The following CRH variants were observed in gnomAD, a reference collection of about 807,000 sequenced individuals.
The protein encoded by CRH is corticotropin releasing hormone.
Under a neutral mutation model 11.1 loss-of-function variants are expected in CRH, and 6 were observed. The observed-to-expected ratio is 0.54, with a 90% CI of 0.30 to 1.07. CRH has a LOEUF of 1.07. Among genes scored for constraint, CRH ranks in the 50% least tolerant of loss-of-function variants. The pLI is 0.07. For missense variants in CRH, 289 were observed against 269.4 expected (o/e 1.07, Z -0.51); for synonymous variants, 155 against 132.0 (o/e 1.17, Z -1.19).
At position 66,176,766 on chromosome 8, in the gene CRH, A is replaced by G. The variant is rs1313067613; in HGVS notation, c.*121T>C. On this transcript the variant is annotated 3_prime_UTR_variant, in exon 2 of 2. Coordinates refer to ENST00000276571, the MANE Select transcript of CRH (RefSeq NM_000756.4). Reference sequence around the variant, plus strand: ...ATAGGCTCTCTCCCTCTCTCCCTCTATGTTTCAAGCTATATAAAAATAAAC... The same window carrying G: ...ATAGGCTCTCTCCCTCTCTCCCTCTGTGTTTCAAGCTATATAAAAATAAAC... The G allele has an allele frequency of 3.9e-6, 5 of 1,269,488 alleles. No homozygotes were observed. In the East Asian group the frequency reaches 1.1e-4, roughly 28 times the overall value. The allele number at this position is 1,269,488 out of a possible 1,614,324, so 78.6% of individuals were successfully genotyped here. A position where few individuals can be genotyped will look rare whatever the true frequency, so the allele number is the denominator to read the frequency against.
Position 66,177,050 on chromosome 8 carries a change from CCGCCGAGGGCATTCCTAG to C in CRH, c.410_427del (p.Ala137_Gly142del), listed in dbSNP as rs780141538. On this transcript the variant is annotated inframe_deletion, in exon 2 of 2. Transcript: ENST00000276571. ...TTCTCTCTCCGGTGCCTCCTGGTGGCCGCCGAGGGCATTCCTAGCGCCGCGCTCCGCGAGAGCCGCGGG... is the reference window on the plus strand; with the variant it reads ...TTCTCTCTCCGGTGCCTCCTGGTGGCCGCCGCGCTCCGCGAGAGCCGCGGG... 1.9e-6 allele frequency: 3 copies of C among 1,611,948 alleles called. No homozygotes were observed. The highest frequency in any genetic ancestry group is 2.5e-6 in the Non-Finnish European group (3 of 1,178,932).
Position 66,176,572 on chromosome 8 carries a change from A to C in CRH, c.*315T>G. The C allele has an allele frequency of 5.5e-6, 1 of 182,558 alleles. No homozygotes were observed. The highest frequency in any genetic ancestry group is 6.1e-5 in the Admixed American group (1 of 16,354). 11.3% of individuals were successfully genotyped at this position (182,558 alleles called of 1,614,324 possible). On this transcript the variant is annotated 3_prime_UTR_variant, in exon 2 of 2. Transcript: ENST00000276571. Reference sequence around the variant, plus strand: ...TTTGGCTCAGACCACAACAAAAACAATTGAGTGACTTCTGTCTGCTTTTTC... The same window carrying C: ...TTTGGCTCAGACCACAACAAAAACACTTGAGTGACTTCTGTCTGCTTTTTC...
chr8:66,176,504 G>A lies in CRH; in HGVS notation c.*383C>T, dbSNP rs563866466. On this transcript the variant is annotated 3_prime_UTR_variant, in exon 2 of 2. Transcript: ENST00000276571. ...TTACAAGAGAAAGTTGTTTCAAAGAGCTTACAGATTTAGTCTTACCCACCC... is the reference window on the plus strand; with the variant it reads ...TTACAAGAGAAAGTTGTTTCAAAGAACTTACAGATTTAGTCTTACCCACCC... 6.4e-6 allele frequency: 1 copy of A among 155,988 alleles called. No homozygotes were observed. The highest frequency in any genetic ancestry group is 1.9e-4 in the East Asian group (1 of 5,330). 9.7% of individuals were successfully genotyped at this position (155,988 alleles called of 1,614,324 possible). A position where few individuals can be genotyped will look rare whatever the true frequency, so the allele number is the denominator to read the frequency against.
rs773313078 is a variant in CRH, at chr8:66,176,883, C to A, written c.*4G>T. 6.4e-7 allele frequency: 1 copy of A among 1,574,130 alleles called. No individual in the cohort carries two copies. The highest frequency in any genetic ancestry group is 8.6e-7 in the Non-Finnish European group (1 of 1,159,716). ...GCAGATTCTTTTTGGCCAAACGCACCGTTTTATTTCCCAATAATCTCCATG... is the reference window on the plus strand; with the variant it reads ...GCAGATTCTTTTTGGCCAAACGCACAGTTTTATTTCCCAATAATCTCCATG... On this transcript the variant is annotated 3_prime_UTR_variant, in exon 2 of 2. Coordinates refer to ENST00000276571, the MANE Select transcript of CRH (RefSeq NM_000756.4).
Position 66,177,872 on chromosome 8 carries a change from T to G in CRH, c.-14-381A>C, listed in dbSNP as rs949725199. Among the ~76,000 whole-genome samples the G allele has an allele frequency of 3.9e-5, 6 of 152,020 alleles. No homozygotes were observed. In the East Asian group the frequency reaches 9.7e-4, roughly 25 times the overall value. ...GCGCTGACTACCTCCCTTCCGGATA[T>G]TTCAGCATTTTCTTCCAAATTGAGA... On this transcript the variant is annotated intron_variant, in intron 1 of 1. Coordinates refer to ENST00000276571, the MANE Select transcript of CRH (RefSeq NM_000756.4).
rs1811919130 is a variant in CRH at position 66,177,312 on chromosome 8, G to A, written c.166C>T (p.Pro56Ser). The A allele has an allele frequency of 6.4e-7, 1 of 1,556,852 alleles. No homozygotes were observed. The highest frequency in any genetic ancestry group is 8.7e-7 in the Non-Finnish European group (1 of 1,155,812). Residue 56 changes from proline to serine, a missense_variant, in exon 2 of 2, where the codon CCC becomes TCC. Pro to Ser is a moderately conservative substitution (Grantham distance 74). Coordinates refer to ENST00000276571, the MANE Select transcript of CRH (RefSeq NM_000756.4). Reference sequence around the variant, plus strand: ...ACCGGCCGAGCCTGCGGCTGCTGGGGCTGCTCGGACTGCGGCGGCGGCTGG... The same window carrying A: ...ACCGGCCGAGCCTGCGGCTGCTGGGACTGCTCGGACTGCGGCGGCGGCTGG... Reference protein sequence around the residue: ...FFQPPPQSEQPQQPQARPVLL... With the variant: ...FFQPPPQSEQSQQPQARPVLL...
chr8:66,178,030 A>G (rs749567362), intron 1 of CRH, among the ~76,000 whole-genome samples: 9 of 152,200 alleles, frequency 5.9e-5, no homozygotes, highest in Non-Finnish European at 1.2e-4. Flanking sequence ...AACGAAGAGC[A>G]GCCGTCTAAG....
At position 66,177,575 on chromosome 8, in the gene CRH, G is replaced by A. The variant is rs1253029936; in HGVS notation, c.-14-84C>T. On this transcript the variant is annotated intron_variant, in intron 1 of 1. Transcript: ENST00000276571. Reference sequence around the variant, plus strand: ...TTGGTTAGAGTTCGCTCAGCTGGGAGGTGCACACGGGGTCTTCCTACGGGA... The same window carrying A: ...TTGGTTAGAGTTCGCTCAGCTGGGAAGTGCACACGGGGTCTTCCTACGGGA... The A allele has an allele frequency of 2.8e-6, 4 of 1,450,454 alleles. No homozygotes were observed. The African/African-American group carries it at 4.3e-5, about 16-fold the overall frequency. 89.8% of individuals were successfully genotyped at this position (1,450,454 alleles called of 1,614,324 possible).
chr8:66,177,336 G>T lies in CRH; in HGVS notation c.142C>A (p.Gln48Lys). 1 of 1,553,646 alleles carries T rather than the reference G, an allele frequency of 6.4e-7. No individual in the cohort carries two copies. Among genetic ancestry groups the T allele is most frequent in the South Asian group, 1.2e-5 (1 of 84,964 alleles). Residue 48 changes from glutamine (Q) to lysine (K), a missense_variant, in exon 2 of 2, where the codon CAG becomes AAG. Transcript: ENST00000276571. ...PQHPQPLDFF[Q>K]PPPQSEQPQQ... ...GGCTGCTCGGACTGCGGCGGCGGCT[G>T]GAAGAAATCCAAGGGCTGAGGGTGC...
At position 66,176,569 on chromosome 8, in the gene CRH, A is replaced by T. The variant is rs1330922023; in HGVS notation, c.*318T>A. On this transcript the variant is annotated 3_prime_UTR_variant, in exon 2 of 2. Coordinates refer to ENST00000276571, the MANE Select transcript of CRH (RefSeq NM_000756.4). ...CTCTTTGGCTCAGACCACAACAAAAACAATTGAGTGACTTCTGTCTGCTTT... is the reference window on the plus strand; with the variant it reads ...CTCTTTGGCTCAGACCACAACAAAATCAATTGAGTGACTTCTGTCTGCTTT... The T allele has an allele frequency of 1.1e-5, 2 of 177,908 alleles. No individual in the cohort carries two copies. Among genetic ancestry groups the T allele is most frequent in the Non-Finnish European group, 1.2e-5 (1 of 85,930 alleles). The allele number at this position is 177,908 out of a possible 1,614,324, so 11.0% of individuals were successfully genotyped here.
At position 66,177,190 on chromosome 8, in the gene CRH, T is replaced by G. The variant is rs6159; in HGVS notation, c.288A>C (p.Gly96=). Residue 96 remains glycine (G), a synonymous_variant, in exon 2 of 2, where the codon GGA becomes GGC. Transcript: ENST00000276571. ...CCGGCGAAGGGCGGCTGCCGCTGCC[T>G]CCGGCGAGGAGCGAGGAGGCGGGCG... ...PLSPASSLLA[G]GSGSRPSPEQ... is the part of the protein sequence containing the mutation. 0.19 allele frequency: 299,921 copies of G among 1,540,854 alleles called. 41,322 individuals carry two copies. Among genetic ancestry groups the G allele is most frequent in the African/African-American group, 0.7 (50,759 of 72,878 alleles).
At position 66,176,934 on chromosome 8, in the gene CRH, G is replaced by C. The variant is rs1470211585; in HGVS notation, c.544C>G (p.Gln182Glu). ...LEMARAEQLA[Q>E]QAHSNRKLME... is the part of the protein sequence containing the mutation. ...AGTTTCCTGTTGCTGTGAGCTTGCT[G>C]TGCTAACTGCTCGGCCCTGGCCATT... Residue 182 changes from glutamine (Q) to glutamate (E), a missense_variant, in exon 2 of 2, where the codon CAG becomes GAG. Gln to Glu is a conservative substitution (Grantham distance 29). Coordinates refer to ENST00000276571, the MANE Select transcript of CRH (RefSeq NM_000756.4). The C allele has an allele frequency of 1.2e-6, 2 of 1,613,484 alleles. No homozygotes were observed. Among genetic ancestry groups the C allele is most frequent in the African/African-American group, 1.3e-5 (1 of 74,860 alleles).
In CRH at chr8:66,177,637, CG is replaced by C. The variant is rs373868156; in HGVS notation, c.-14-147del. 5.4e-5 allele frequency: 64 copies of C among 1,194,866 alleles called. 1 individual carries two copies. The African/African-American group carries it at 8.8e-4, about 17-fold the overall frequency. The allele number at this position is 1,194,866 out of a possible 1,614,324, so 74.0% of individuals were successfully genotyped here. A position where few individuals can be genotyped will look rare whatever the true frequency, so the allele number is the denominator to read the frequency against. ...GTGCTGGGCTTTGGCCTCAGTGATT[CG>C]GATGGGCGCTGTCCGCGGTGCTGAA... is the stretch of plus-strand genomic sequence containing the variant. On this transcript the variant is annotated intron_variant, in intron 1 of 1. Transcript: ENST00000276571.
Position 66,176,945 on chromosome 8 carries a change from T to TCGG in CRH, c.530_532dup (p.Ala177dup). 6.2e-7 allele frequency: 1 copy of TCGG among 1,614,044 alleles called. No individual in the cohort carries two copies. The highest frequency in any genetic ancestry group is 8.5e-7 in the Non-Finnish European group (1 of 1,179,934). On this transcript the variant is annotated inframe_insertion, in exon 2 of 2. Transcript: ENST00000276571. Reference sequence around the variant, plus strand: ...GCTGTGAGCTTGCTGTGCTAACTGCTCGGCCCTGGCCATTTCCAAGACTTC... The same window carrying TCGG: ...GCTGTGAGCTTGCTGTGCTAACTGCTCGGCGGCCCTGGCCATTTCCAAGACTTC...
Position 66,177,492 on chromosome 8 carries a change from C to T in CRH, c.-14-1G>A. ...GGCAGCCGCATGTTAGGGGCACTCGCTGCGGCACAGAGGTGGGCGGAGGGC... is the reference window on the plus strand; with the variant it reads ...GGCAGCCGCATGTTAGGGGCACTCGTTGCGGCACAGAGGTGGGCGGAGGGC... On this transcript the variant is annotated splice_acceptor_variant, in intron 1 of 1. Transcript: ENST00000276571. LOFTEE classifies it low-confidence loss of function (5UTR_SPLICE). 6.5e-7 allele frequency: 1 copy of T among 1,530,458 alleles called. No homozygotes were observed. The highest frequency in any genetic ancestry group is 8.7e-7 in the Non-Finnish European group (1 of 1,144,486). The allele number at this position is 1,530,458 out of a possible 1,614,324, so 94.8% of individuals were successfully genotyped here.
rs777916878 is a variant in CRH at position 66,177,047 on chromosome 8, T to C, written c.431A>G (p.His144Arg). 3.1e-6 allele frequency: 5 copies of C among 1,612,534 alleles called. No individual in the cohort carries two copies. Among genetic ancestry groups the C allele is most frequent in the African/African-American group, 1.3e-5 (1 of 74,880 alleles). ...ERGARNALGG[H>R]QEAPERERRS... ...CCTTTCTCTCTCCGGTGCCTCCTGG[T>C]GGCCGCCGAGGGCATTCCTAGCGCC... The change falls in exon 2 of 2, where the codon CAC becomes CGC. Residue 144 changes from histidine (H) to arginine (R), a missense_variant. His to Arg is a conservative substitution (Grantham distance 29). Around this residue, in one of 2 missense-constraint regions of CRH, gnomAD observed 261 missense variants for 219.0 expected, o/e 1.19. Coordinates refer to ENST00000276571, the MANE Select transcript of CRH (RefSeq NM_000756.4).
Position 66,177,171 on chromosome 8 carries a change from A to C in CRH, c.307T>G (p.Ser103Ala). The part of the protein sequence containing the change: ...LLAGGSGSRP[S>A]PEQATANFFR... Reference sequence around the variant, plus strand: ...AAGTTGGCGGTCGCCTGTTCCGGCGAAGGGCGGCTGCCGCTGCCTCCGGCG... The same window carrying C: ...AAGTTGGCGGTCGCCTGTTCCGGCGCAGGGCGGCTGCCGCTGCCTCCGGCG... Residue 103 changes from serine to alanine, a missense_variant, in exon 2 of 2, where the codon TCG becomes GCG. Transcript: ENST00000276571. 6.5e-7 allele frequency: 1 copy of C among 1,541,270 alleles called. No homozygotes were observed. Among genetic ancestry groups the C allele is most frequent in the Admixed American group, 2.0e-5 (1 of 51,024 alleles).
chr8:66,177,186 T>TGCCTCC lies in CRH; in HGVS notation c.286_291dup (p.Gly96_Gly97dup), dbSNP rs1811914918. On this transcript the variant is annotated inframe_insertion, in exon 2 of 2. Transcript: ENST00000276571. ...TGTTCCGGCGAAGGGCGGCTGCCGC[T>TGCCTCC]GCCTCCGGCGAGGAGCGAGGAGGCG... 6.5e-7 allele frequency: 1 copy of TGCCTCC among 1,541,188 alleles called. No homozygotes were observed. Among genetic ancestry groups the TGCCTCC allele is most frequent in the Non-Finnish European group, 8.7e-7 (1 of 1,146,478 alleles).
rs1235365183 is a variant in CRH, at chr8:66,176,817, T to A, written c.*70A>T. 2.9e-5 allele frequency: 44 copies of A among 1,499,264 alleles called. No homozygotes were observed. In the South Asian group the frequency reaches 5.9e-4, roughly 20 times the overall value. 92.9% of individuals were successfully genotyped at this position (1,499,264 alleles called of 1,614,324 possible). Reference sequence around the variant, plus strand: ...AAATGGCATAAGAGCAGCGCTATGGTACAGAATACTGTATTTTTTTAAATT... The same window carrying A: ...AAATGGCATAAGAGCAGCGCTATGGAACAGAATACTGTATTTTTTTAAATT... On this transcript the variant is annotated 3_prime_UTR_variant, in exon 2 of 2. Coordinates refer to ENST00000276571, the MANE Select transcript of CRH (RefSeq NM_000756.4).
Sources: gnomAD v4.1 joint callset for allele counts (sites outside exome capture counted in the v4.1 genomes callset) on GRCh38, gnomAD v4.1.1 for gene constraint, gnomAD v4.1.1 regional missense constraint, MANE v1.5 for transcripts, NCBI Gene and HGNC (gene_info 2026-07-23, HGNC 2026-07-21) for gene names.